The following SUCLG2 variants were observed in gnomAD, a reference collection of about 807,000 sequenced individuals.
SUCLG2 encodes the protein succinate-CoA ligase GDP-forming subunit beta.
In SUCLG2, 42 loss-of-function variants were observed where a neutral mutation model predicts 47.9. That is an observed-to-expected ratio of 0.88 (90% CI 0.69 to 1.14). The LOEUF (loss-of-function observed/expected upper bound fraction) is 1.14, where lower values mean the gene tolerates loss of function less well. Among genes scored for constraint, SUCLG2 ranks in the 50% most tolerant of loss-of-function variants. The pLI, the probability that SUCLG2 is intolerant of heterozygous loss-of-function variation, is 0.00. For synonymous variants in SUCLG2, 195 were observed against 197.3 expected (o/e 0.99, Z 0.10); for missense variants, 571 against 525.9 (o/e 1.09, Z -0.84).
At chr3:67,429,417 C>T (rs569362950) in intron 9 of SUCLG2, among the ~76,000 whole-genome samples, 56 of 152,248 alleles carry the variant, frequency 3.7e-4, no homozygotes, top group African/African-American at 1.3e-3. Flanking sequence ...TTTGTCACCA[C>T]CAGGCCTGTC....
At chr3:67,500,351 G>C (rs1342912674) in intron 7 of SUCLG2, among the ~76,000 whole-genome samples, 1 of 152,086 alleles carries the variant, frequency 6.6e-6, no homozygotes, top group Admixed American at 6.6e-5. Flanking sequence ...TAACATCTAA[G>C]AATACTTGTT....
intron 2 of SUCLG2, among the ~76,000 whole-genome samples, chr3:67,565,792 T>C (rs967959599): frequency 6.6e-6 from 1 of 152,184 alleles, no homozygotes; most frequent in African/African-American, 2.4e-5. Flanking sequence ...CCTTGGAGCC[T>C]CTCCACAATG....
chr3:67,408,366 G>C (rs1020837880), intron 9 of SUCLG2, among the ~76,000 whole-genome samples: 1 of 152,098 alleles, frequency 6.6e-6, no homozygotes, highest in African/African-American at 2.4e-5. Flanking sequence ...GTGAGTCCAC[G>C]ATCCTGCCTG....
intron 9 of SUCLG2, chr3:67,408,980 G>A (rs570333973): frequency 6.5e-7 from 1 of 1,535,234 alleles, no homozygotes; most frequent in African/African-American, 1.4e-5. Flanking sequence ...TCAAGAACGT[G>A]CTTCTGAGTC....
chr3:67,409,383 T>G (rs1201927860), intron 9 of SUCLG2, among the ~76,000 whole-genome samples: 1 of 152,136 alleles, frequency 6.6e-6, no homozygotes, highest in African/African-American at 2.4e-5. Context: ...TGGTGAGACA[T>G]CATCATCAAT....
Position 67,579,174 on chromosome 3 carries a change from C to T in SUCLG2, c.226+30281G>A, listed in dbSNP as rs74868486. ...ATTTCACCCTTAAATAAAAATTTTC[C>T]TTCCTCATTAATAGATCATTTTACA... On this transcript the variant is annotated intron_variant, in intron 2 of 10. Transcript: ENST00000307227. 9.8e-3 allele frequency among the ~76,000 whole-genome samples: 1,495 copies of T among 151,980 alleles called. 31 individuals carry two copies. The highest frequency in any genetic ancestry group is 0.034 in the African/African-American group (1,391 of 41,464).
intron 2 of SUCLG2, among the ~76,000 whole-genome samples, chr3:67,583,410 C>G (rs559108409): frequency 6.6e-6 from 1 of 152,292 alleles, no homozygotes; most frequent in Admixed American, 6.5e-5. Flanking sequence ...ACCTTGAGCT[C>G]AAAACCACTG....
intron 1 of SUCLG2, among the ~76,000 whole-genome samples, chr3:67,611,035 T>A (rs1290490616): frequency 3.3e-5 from 5 of 152,206 alleles, no homozygotes; most frequent in Admixed American, 2.0e-4. Flanking sequence ...GCCAAATGAA[T>A]CAACTCTGCC....
At chr3:67,401,471 G>T (rs747543950) in intron 9 of SUCLG2, among the ~76,000 whole-genome samples, 49 of 151,192 alleles carry the variant, frequency 3.2e-4, no homozygotes, top group Middle Eastern at 3.5e-3. Flanking sequence ...AGAATGTAAG[G>T]AAAGTCAAGC....
In SUCLG2 at chr3:67,408,908, T is replaced by A. The variant is rs527347615; in HGVS notation, c.1063-8057A>T. ...TCCACTCCCTCTGGCAGTCTCTCTA[T>A]AATCAGAGACTCCCAAGATGAGTCA... On this transcript the variant is annotated intron_variant, in intron 9 of 10. Transcript: ENST00000307227. 1.1e-4 allele frequency: 161 copies of A among 1,515,286 alleles called. 1 individual carries two copies. In the South Asian group the frequency reaches 1.9e-3, roughly 18 times the overall value. 93.9% of individuals were successfully genotyped at this position (1,515,286 alleles called of 1,614,324 possible). A position where few individuals can be genotyped will look rare whatever the true frequency, so the allele number is the denominator to read the frequency against.
chr3:67,426,714 G>A (rs1266776624), intron 9 of SUCLG2, among the ~76,000 whole-genome samples: 1 of 152,142 alleles, frequency 6.6e-6, no homozygotes, highest in Non-Finnish European at 1.5e-5. Flanking sequence ...CAGATCACGA[G>A]GTCAGGAGAT....
intron 2 of SUCLG2, among the ~76,000 whole-genome samples, chr3:67,564,055 T>G (rs1707387969): frequency 6.6e-6 from 1 of 151,346 alleles, no homozygotes. Context: ...TGTGAAAGAA[T>G]AGAGGGAGAG....
intron 9 of SUCLG2, chr3:67,408,630 C>A: frequency 2.0e-5 from 21 of 1,035,412 alleles, no homozygotes; most frequent in Non-Finnish European, 2.4e-5. Flanking sequence ...AGACTCCAAT[C>A]TGTCCTTATT....
intron 7 of SUCLG2, among the ~76,000 whole-genome samples, chr3:67,501,915 A>C (rs1032220248): frequency 1.3e-5 from 2 of 152,182 alleles, no homozygotes; most frequent in Non-Finnish European, 2.9e-5. Flanking sequence ...AATAAGATAA[A>C]AAATAAAATA....
chr3:67,612,772 G>T (rs1302928994), intron 1 of SUCLG2, among the ~76,000 whole-genome samples: 1 of 152,118 alleles, frequency 6.6e-6, no homozygotes, highest in African/African-American at 2.4e-5. Context: ...AGTCCCACAG[G>T]ACTATACCCA....
intron 1 of SUCLG2, among the ~76,000 whole-genome samples, chr3:67,639,407 A>G (rs9879825): frequency 0.018 from 2,740 of 151,728 alleles, 90 homozygotes; most frequent in African/African-American, 0.063. Flanking sequence ...AAAGCTAGTA[A>G]GTGGCTTACA....
In SUCLG2 at chr3:67,560,954, A is replaced by G. The variant is rs533790424; in HGVS notation, c.227-31768T>C. Among the ~76,000 whole-genome samples, 7 of 150,468 alleles carry G rather than the reference A, an allele frequency of 4.7e-5. No individual in the cohort carries two copies. In the South Asian group the frequency reaches 1.3e-3, roughly 28 times the overall value. ...CCTTCCCTCCTCACCCACACTCACA[A>G]AATGAATATAAAACCAGCATAACAA... On this transcript the variant is annotated intron_variant, in intron 2 of 10. Coordinates refer to ENST00000307227, the MANE Select transcript of SUCLG2 (RefSeq NM_003848.4).
chr3:67,484,856 C>G lies in SUCLG2; in HGVS notation c.1062+10942G>C, dbSNP rs536331727. On this transcript the variant is annotated intron_variant, in intron 9 of 10. Coordinates refer to ENST00000307227, the MANE Select transcript of SUCLG2 (RefSeq NM_003848.4). Reference sequence around the variant, plus strand: ...TCACCTGGAGTATGTTGCTCCTTTACAAAGACAGAAAGTTTGGTGGGAATG... The same window carrying G: ...TCACCTGGAGTATGTTGCTCCTTTAGAAAGACAGAAAGTTTGGTGGGAATG... 2.6e-5 allele frequency among the ~76,000 whole-genome samples: 4 copies of G among 152,168 alleles called. No homozygotes were observed. In the South Asian group the frequency reaches 8.3e-4, roughly 32 times the overall value.
intron 10 of SUCLG2, among the ~76,000 whole-genome samples, chr3:67,394,690 C>T (rs1289475022): frequency 1.3e-5 from 2 of 151,060 alleles, no homozygotes; most frequent in South Asian, 2.1e-4. Flanking sequence ...AGATACTCCT[C>T]GAGAAGAGCA....
Sources: gnomAD v4.1 joint callset for allele counts (sites outside exome capture counted in the v4.1 genomes callset) on GRCh38, gnomAD v4.1.1 for gene constraint, MANE v1.5 for transcripts, NCBI Gene and HGNC (gene_info 2026-07-23, HGNC 2026-07-21) for gene names.